The following THSD4 variants were observed in gnomAD, a reference collection of about 807,000 sequenced individuals.
The protein encoded by THSD4 is thrombospondin type-1 domain-containing protein 4.
In THSD4, 69 loss-of-function variants were observed where a neutral mutation model predicts 119.0. That is an observed-to-expected ratio of 0.58 (90% CI 0.48 to 0.71). The LOEUF (loss-of-function observed/expected upper bound fraction) is 0.71. Ranked by LOEUF, THSD4 falls within the 30% of genes least tolerant of loss-of-function variation. The pLI is 0.00. For missense variants in THSD4, 1,393 were observed against 1,391.1 expected (o/e 1.00, Z -0.02); for synonymous variants, 524 against 540.4 (o/e 0.97, Z 0.42).
chr15:71,122,872 C>G (rs1233197135), intron 1 of THSD4, among the ~76,000 whole-genome samples: 1 of 152,206 alleles, frequency 6.6e-6, no homozygotes, highest in Non-Finnish European at 1.5e-5. Context: ...TTTGGAAATA[C>G]ACTTCCCAGC....
intron 8 of THSD4, among the ~76,000 whole-genome samples, chr15:71,723,894 C>T (rs972826516): frequency 6.6e-6 from 1 of 151,766 alleles, no homozygotes; most frequent in African/African-American, 2.4e-5. Flanking sequence ...CATGGTGAAA[C>T]CCCCATCTCT....
chr15:71,442,658 G>GTGTGTGTATGTATGTA (rs1403001889), intron 7 of THSD4, among the ~76,000 whole-genome samples: 16 of 31,332 alleles, frequency 5.1e-4, no homozygotes, highest in African/African-American at 1.5e-3. Context: ...GTGTGTGTGT[G>GTGTGTGTATGTATGTA]TGTATATATA....
intron 14 of THSD4, among the ~76,000 whole-genome samples, chr15:71,757,181 G>A (rs1367197400): frequency 6.6e-6 from 1 of 152,140 alleles, no homozygotes; most frequent in Non-Finnish European, 1.5e-5. Context: ...CGCACAGCTA[G>A]TGAGGATATC....
At chr15:71,256,752 T>G in intron 6 of THSD4, 37 bp downstream of exon 6, 1 of 1,575,696 alleles carries the variant, frequency 6.3e-7, no homozygotes, top group East Asian at 2.2e-5. Flanking sequence ...AGAAGTTACT[T>G]TAGTCTGTTT....
chr15:71,108,300 G>T (rs1166335129), intron 1 of THSD4, among the ~76,000 whole-genome samples: 5 of 152,208 alleles, frequency 3.3e-5, no homozygotes, highest in Admixed American at 2.0e-4. Flanking sequence ...CTGGAAAGCG[G>T]CATGAATAGT....
At chr15:71,671,185 G>A (rs2051520293) in intron 8 of THSD4, among the ~76,000 whole-genome samples, 1 of 152,190 alleles carries the variant, frequency 6.6e-6, no homozygotes, top group African/African-American at 2.4e-5. Flanking sequence ...TCTAACTGGT[G>A]TGAGATGGTA....
chr15:71,584,493 T>A lies in THSD4; in HGVS notation c.1153-76037T>A, dbSNP rs1490754374. On this transcript the variant is annotated intron_variant, in intron 7 of 17. Transcript: ENST00000261862. ...CACATTGGCCAGGCTGGTCTCAAAC[T>A]CCTGACCTCAGATTATCTGCCCACC... 2.0e-5 allele frequency among the ~76,000 whole-genome samples: 3 copies of A among 151,902 alleles called. No homozygotes were observed. The East Asian group carries it at 5.8e-4, about 29-fold the overall frequency.
chr15:71,431,150 G>T (rs2046938948), intron 7 of THSD4, among the ~76,000 whole-genome samples: 1 of 152,124 alleles, frequency 6.6e-6, no homozygotes, highest in Non-Finnish European at 1.5e-5. Context: ...AGGAATAAAA[G>T]GAAGCTCCTT....
At chr15:71,293,129 G>A (rs1401629708) in intron 6 of THSD4, among the ~76,000 whole-genome samples, 2 of 152,170 alleles carry the variant, frequency 1.3e-5, no homozygotes, top group South Asian at 2.1e-4. Flanking sequence ...TGGACAGGTC[G>A]AAAGTTCTAC....
At chr15:71,254,103 C>A (rs1333945375) in intron 5 of THSD4, among the ~76,000 whole-genome samples, 1 of 152,214 alleles carries the variant, frequency 6.6e-6, no homozygotes, top group Non-Finnish European at 1.5e-5. Context: ...AGGGTGGCTT[C>A]TGGCTGGAGC....
intron 7 of THSD4, among the ~76,000 whole-genome samples, chr15:71,580,433 A>G (rs189516603): frequency 6.6e-6 from 1 of 152,342 alleles, no homozygotes; most frequent in Admixed American, 6.5e-5. Context: ...TAAAATGATT[A>G]CCACAATTCA....
At chr15:71,123,656 G>A (rs1012991911) in intron 1 of THSD4, among the ~76,000 whole-genome samples, 6 of 152,194 alleles carry the variant, frequency 3.9e-5, no homozygotes, top group African/African-American at 1.4e-4. Context: ...GAGAGGCTGG[G>A]GGACCCAGAC....
At chr15:71,579,137 T>A (rs753588637) in intron 7 of THSD4, among the ~76,000 whole-genome samples, 4 of 152,162 alleles carry the variant, frequency 2.6e-5, no homozygotes, top group Non-Finnish European at 5.9e-5. Flanking sequence ...GTGCATTAAC[T>A]TTTTAATCAA....
chr15:71,656,011 A>G (rs758124135), intron 7 of THSD4, among the ~76,000 whole-genome samples: 21 of 152,224 alleles, frequency 1.4e-4, no homozygotes, highest in Non-Finnish European at 2.8e-4. Flanking sequence ...TTTGCAGCCC[A>G]ACATTCTTTC....
At chr15:71,331,096 T>G (rs1018998028) in intron 6 of THSD4, among the ~76,000 whole-genome samples, 5 of 152,182 alleles carry the variant, frequency 3.3e-5, no homozygotes, top group Admixed American at 1.3e-4. Flanking sequence ...TGTCTCCCCT[T>G]CTAGTTTTCT....
intron 7 of THSD4, among the ~76,000 whole-genome samples, chr15:71,578,634 G>C (rs2049500640): frequency 6.6e-6 from 1 of 151,846 alleles, no homozygotes; most frequent in Non-Finnish European, 1.5e-5. Context: ...ACCACGCCCA[G>C]CCTATAGTAT....
intron 6 of THSD4, among the ~76,000 whole-genome samples, chr15:71,345,464 T>G (rs184778338): frequency 3.9e-5 from 6 of 152,298 alleles, no homozygotes; most frequent in African/African-American, 1.4e-4. Context: ...ATTAAGATTT[T>G]TTTTAACTTA....
At chr15:71,636,824 G>A (rs1328745693) in intron 7 of THSD4, among the ~76,000 whole-genome samples, 4 of 151,946 alleles carry the variant, frequency 2.6e-5, no homozygotes, top group Non-Finnish European at 4.4e-5. Context: ...GAGGACCTGC[G>A]AGGCATGTGA....
intron 4 of THSD4, among the ~76,000 whole-genome samples, chr15:71,236,285 C>T (rs1174324288): frequency 6.6e-6 from 1 of 152,228 alleles, no homozygotes; most frequent in African/African-American, 2.4e-5. Context: ...AGGTAGGAAG[C>T]CCCCCTATAG....
Sources: allele counts gnomAD v4.1 joint callset (sites outside exome capture counted in the v4.1 genomes callset), GRCh38; gene constraint gnomAD v4.1.1; transcripts MANE v1.5; gene names NCBI Gene and HGNC (gene_info 2026-07-23, HGNC 2026-07-21).